SLC8A1: variants seen among roughly 807,000 people sequenced by gnomAD.
The protein encoded by SLC8A1 is sodium/calcium exchanger 1.
A neutral mutation model predicts 68.3 loss-of-function variants in SLC8A1; 18 were observed. The ratio of observed to expected loss-of-function variants is 0.26; its 90% CI spans 0.18 to 0.39. SLC8A1 has a LOEUF of 0.39. Among genes scored for constraint, SLC8A1 ranks in the 10% least tolerant of loss-of-function variants. The pLI is 1.00. For missense variants in SLC8A1, 985 were observed against 1,156.7 expected, an observed-to-expected ratio of 0.85 and a Z score of 2.15; for synonymous variants, 475 against 415.5, an observed-to-expected ratio of 1.14 and a Z score of -1.74.
At chr2:40,194,404 G>A (rs977262654) in intron 2 of SLC8A1, among the ~76,000 whole-genome samples, 3 of 150,906 alleles carry the variant, frequency 2.0e-5, no homozygotes, top group Non-Finnish European at 3.0e-5. Context: ...TTGAGGTGTG[G>A]GAAAGGGTAA....
At chr2:40,431,417 G>A (rs1237356151) in intron 1 of SLC8A1, among the ~76,000 whole-genome samples, 1 of 152,054 alleles carries the variant, frequency 6.6e-6, no homozygotes, top group African/African-American at 2.4e-5. Flanking sequence ...TAGGCAAGGA[G>A]GGCCATGGCA....
intron 2 of SLC8A1, among the ~76,000 whole-genome samples, chr2:40,238,476 G>A (rs1055327977): frequency 8.5e-5 from 13 of 152,112 alleles, no homozygotes; most frequent in South Asian, 6.2e-4. Flanking sequence ...CACACGGTGC[G>A]CGCACCCACT....
intron 2 of SLC8A1, among the ~76,000 whole-genome samples, chr2:40,276,172 T>C (rs2066671247): frequency 6.6e-6 from 1 of 152,212 alleles, no homozygotes; most frequent in Non-Finnish European, 1.5e-5. Context: ...GAATTTGAGA[T>C]CTAATGATCA....
intron 2 of SLC8A1, among the ~76,000 whole-genome samples, chr2:40,382,025 C>T (rs1681985856): frequency 6.6e-6 from 1 of 152,090 alleles, no homozygotes; most frequent in African/African-American, 2.4e-5. Flanking sequence ...TCTTCCCTGA[C>T]AATAATCATT....
intron 2 of SLC8A1, among the ~76,000 whole-genome samples, chr2:40,396,807 G>C (rs1168479318): frequency 8.7e-6 from 1 of 114,626 alleles, no homozygotes; most frequent in Non-Finnish European, 1.8e-5. Flanking sequence ...AAACCAGCAA[G>C]AGAAACTGTA....
At chr2:40,357,628 G>A (rs544471770) in intron 2 of SLC8A1, among the ~76,000 whole-genome samples, 19 of 152,026 alleles carry the variant, frequency 1.2e-4, no homozygotes, top group Admixed American at 2.0e-4. Context: ...TATGGCGTGT[G>A]TAACAAACCT....
chr2:40,429,676 C>T (rs150791349), exon 2 of SLC8A1: 28 of 1,613,734 alleles, frequency 1.7e-5, no homozygotes, highest in Non-Finnish European at 2.1e-5. Flanking sequence ...AAAGAAGACA[C>T]GCAAATGCTT....
chr2:40,173,778 A>T (rs2047967831), intron 4 of SLC8A1, among the ~76,000 whole-genome samples: 1 of 152,250 alleles, frequency 6.6e-6, no homozygotes, highest in Non-Finnish European at 1.5e-5. Flanking sequence ...ATATTGGAAG[A>T]TGTCACATAC....
chr2:40,276,062 T>A (rs957975238), intron 2 of SLC8A1, among the ~76,000 whole-genome samples: 1 of 152,186 alleles, frequency 6.6e-6, no homozygotes, highest in Non-Finnish European at 1.5e-5. Context: ...AAATGAAACA[T>A]GTGAAATCTA....
At chr2:40,224,435 C>T (rs768169492) in intron 2 of SLC8A1, among the ~76,000 whole-genome samples, 13 of 151,932 alleles carry the variant, frequency 8.6e-5, no homozygotes, top group South Asian at 2.1e-4. Context: ...AGGCAGAATA[C>T]GAGGGAGATA....
chr2:40,246,531 G>A (rs545031461), intron 2 of SLC8A1, among the ~76,000 whole-genome samples: 1 of 152,252 alleles, frequency 6.6e-6, no homozygotes, highest in Non-Finnish European at 1.5e-5. Flanking sequence ...CAAACACTGT[G>A]GGGTAATCAC....
chr2:40,442,187 C>G (rs976628185), intron 1 of SLC8A1, among the ~76,000 whole-genome samples: 1 of 147,336 alleles, frequency 6.8e-6, no homozygotes, highest in Admixed American at 6.9e-5. Context: ...TACCCTAAAA[C>G]TTAAAGTATA....
intron 2 of SLC8A1, among the ~76,000 whole-genome samples, chr2:40,420,162 A>G (rs1222385968): frequency 1.3e-5 from 2 of 152,128 alleles, no homozygotes; most frequent in African/African-American, 4.8e-5. Context: ...CGGAGGTTGG[A>G]ATTCTAAGTT....
intron 2 of SLC8A1, among the ~76,000 whole-genome samples, chr2:40,265,649 A>G (rs1340660488): frequency 2.0e-5 from 3 of 152,150 alleles, no homozygotes; most frequent in Non-Finnish European, 4.4e-5. Context: ...AACAAAATCA[A>G]TTTTTAAATG....
chr2:40,353,858 G>T (rs1037775192), intron 2 of SLC8A1, among the ~76,000 whole-genome samples: 17 of 152,288 alleles, frequency 1.1e-4, no homozygotes, highest in Admixed American at 2.0e-4. Context: ...AGGAGAGGGA[G>T]GCACCAGATT....
chr2:40,139,737 C>G, intron 6 of SLC8A1, 61 bp from the exon 10 acceptor site: 2 of 1,555,514 alleles, frequency 1.3e-6, no homozygotes, highest in South Asian at 1.2e-5. Flanking sequence ...CTTCCTCTCT[C>G]TCAATCTCTC....
chr2:40,326,683 A>G (rs528198746), intron 2 of SLC8A1, among the ~76,000 whole-genome samples: 4 of 152,296 alleles, frequency 2.6e-5, no homozygotes, highest in Non-Finnish European at 5.9e-5. Context: ...GTACTGATCA[A>G]TGGTTATGGT....
chr2:40,299,049 A>G (rs984183563), intron 2 of SLC8A1, among the ~76,000 whole-genome samples: 2 of 151,822 alleles, frequency 1.3e-5, no homozygotes, highest in African/African-American at 2.4e-5. Flanking sequence ...GAAAAACACA[A>G]TGTTCCAGGC....
Position 40,255,867 on chromosome 2 carries a change from C to T in SLC8A1, c.1809-78012G>A, listed in dbSNP as rs533835457. 3.9e-4 allele frequency among the ~76,000 whole-genome samples: 60 copies of T among 152,264 alleles called. No homozygotes were observed. In the South Asian group the frequency reaches 7.5e-3, roughly 19 times the overall value. Reference sequence around the variant, plus strand: ...ATGTGATTACCCTGAGCCCAAGAAACTTCCACTAAAAAGATGGAAGGAAAG... The same window carrying T: ...ATGTGATTACCCTGAGCCCAAGAAATTTCCACTAAAAAGATGGAAGGAAAG... On this transcript the variant is annotated intron_variant, in intron 2 of 7. Coordinates refer to ENST00000406785, the Ensembl canonical transcript of SLC8A1.
Sources: allele counts gnomAD v4.1 joint callset (sites outside exome capture counted in the v4.1 genomes callset), GRCh38; gene constraint gnomAD v4.1.1; transcripts MANE v1.5; gene names NCBI Gene and HGNC (gene_info 2026-07-23, HGNC 2026-07-21).